TTC28: variants seen among roughly 807,000 people sequenced by gnomAD.
TTC28 encodes tetratricopeptide repeat domain 28.
Under a neutral mutation model 198.0 loss-of-function variants are expected in TTC28, and 61 were observed. The observed-to-expected ratio is 0.31, with a 90% confidence interval of 0.25 to 0.38. TTC28 has a LOEUF of 0.38. Among genes scored for constraint, TTC28 ranks in the 10% least tolerant of loss-of-function variants. The pLI is 1.00. For synonymous variants in TTC28, 1,171 were observed against 1,297.8 expected (o/e 0.90, Z 2.10); for missense variants, 2,678 against 3,164.0 (o/e 0.85, Z 3.69).
At chr22:28,426,223 A>G (rs1210708433) in intron 2 of TTC28, among the ~76,000 whole-genome samples, 2 of 151,746 alleles carry the variant, frequency 1.3e-5, no homozygotes, top group Non-Finnish European at 2.9e-5. Context: ...AAAAAAAAAA[A>G]AAAAAAAAGA....
chr22:28,096,044 C>T (rs954879297), intron 11 of TTC28, 146 bp downstream of exon 11: 1 of 1,265,314 alleles, frequency 7.9e-7, no homozygotes. Flanking sequence ...CCCACCACGG[C>T]ATATCCACTG....
intron 6 of TTC28, among the ~76,000 whole-genome samples, chr22:28,128,030 CCTT>C (rs2146956011): frequency 6.6e-6 from 1 of 152,052 alleles, no homozygotes; most frequent in South Asian, 2.1e-4. Context: ...TACCTAGACA[CCTT>C]CTTCATTTCT....
At chr22:28,437,013 C>T (rs977948195) in intron 2 of TTC28, among the ~76,000 whole-genome samples, 1 of 152,210 alleles carries the variant, frequency 6.6e-6, no homozygotes, top group African/African-American at 2.4e-5. Context: ...ATCCCTTTGA[C>T]CTTTCAGCAA....
At chr22:28,025,671 C>G (rs1181646601) in intron 13 of TTC28, among the ~76,000 whole-genome samples, 1 of 152,168 alleles carries the variant, frequency 6.6e-6, no homozygotes, top group African/African-American at 2.4e-5. Flanking sequence ...TTGAGCCAGC[C>G]TGGGCCACAA....
intron 2 of TTC28, among the ~76,000 whole-genome samples, chr22:28,526,602 G>C (rs772223617): frequency 6.6e-6 from 1 of 152,160 alleles, no homozygotes; most frequent in Non-Finnish European, 1.5e-5. Context: ...TGAGGAGTTA[G>C]AGCATGAAGG....
chr22:28,101,782 TAAAAAAA>T (rs11459818), intron 8 of TTC28, among the ~76,000 whole-genome samples: 10 of 53,128 alleles, frequency 1.9e-4, no homozygotes, highest in African/African-American at 7.8e-4. Flanking sequence ...CCATCTCTGT[TAAAAAAA>T]AAAAAAAAAA....
At chr22:28,629,319 A>T in intron 2 of TTC28, 2 of 481,178 alleles carry the variant, frequency 4.2e-6, no homozygotes, top group East Asian at 3.4e-5. Flanking sequence ...AAAAAAATTT[A>T]AATCTCACAC....
chr22:28,481,334 G>C (rs1001336098), intron 2 of TTC28, among the ~76,000 whole-genome samples: 1 of 152,098 alleles, frequency 6.6e-6, no homozygotes, highest in Non-Finnish European at 1.5e-5. Context: ...CATTTTCAGA[G>C]ATGCCTATAA....
At chr22:28,498,897 T>C (rs2048496488) in intron 2 of TTC28, among the ~76,000 whole-genome samples, 1 of 152,212 alleles carries the variant, frequency 6.6e-6, no homozygotes. Context: ...ATTTATTTAC[T>C]GAGTGCAGTG....
chr22:28,021,369 C>T (rs527546371), intron 13 of TTC28, among the ~76,000 whole-genome samples: 9 of 152,122 alleles, frequency 5.9e-5, no homozygotes, highest in Non-Finnish European at 1.0e-4. Context: ...GTGGGGCCAG[C>T]GCTGTGAGAC....
At chr22:28,338,486 T>G (rs954914731) in intron 2 of TTC28, among the ~76,000 whole-genome samples, 1 of 152,218 alleles carries the variant, frequency 6.6e-6, no homozygotes, top group Non-Finnish European at 1.5e-5. Context: ...CAATCAGACG[T>G]AGATTTGGTC....
chr22:28,461,061 C>T lies in TTC28; in HGVS notation c.382-154418G>A, dbSNP rs376311424. On this transcript the variant is annotated intron_variant, in intron 2 of 22. Coordinates refer to ENST00000397906, the MANE Select transcript of TTC28 (RefSeq NM_001145418.2). The stretch of plus-strand genomic sequence containing the variant: ...CCCACTAGTAGGATCTGTTTATCTA[C>T]GGTCTGCCTCTGAAAAAATATCTGG... Among the ~76,000 whole-genome samples, 25 of 152,342 alleles carry T rather than the reference C, an allele frequency of 1.6e-4. No homozygotes were observed. In the East Asian group the frequency reaches 2.5e-3, roughly 15 times the overall value.
chr22:28,404,646 C>T (rs978778556), intron 2 of TTC28, among the ~76,000 whole-genome samples: 2 of 152,174 alleles, frequency 1.3e-5, no homozygotes, highest in South Asian at 4.1e-4. Flanking sequence ...CCACTCACCC[C>T]TGATTTTCTC....
intron 2 of TTC28, among the ~76,000 whole-genome samples, chr22:28,386,890 T>C (rs959983155): frequency 4.6e-5 from 7 of 152,114 alleles, no homozygotes; most frequent in Non-Finnish European, 7.4e-5. Flanking sequence ...ATGTGCACAA[T>C]GTGCAGGTTT....
At chr22:28,327,108 C>T (rs1485830860) in intron 2 of TTC28, among the ~76,000 whole-genome samples, 2 of 151,974 alleles carry the variant, frequency 1.3e-5, no homozygotes, top group East Asian at 3.9e-4. Flanking sequence ...AGAAGAGTTA[C>T]TCATATGCAT....
chr22:28,294,734 A>AT (rs1350206437), intron 5 of TTC28, among the ~76,000 whole-genome samples: 2 of 151,966 alleles, frequency 1.3e-5, no homozygotes, highest in African/African-American at 4.8e-5. Flanking sequence ...ACACCCAGCT[A>AT]ATTTTTGTAT....
At chr22:28,660,382 G>A (rs1258145377) in intron 1 of TTC28, among the ~76,000 whole-genome samples, 1 of 152,148 alleles carries the variant, frequency 6.6e-6, no homozygotes, top group African/African-American at 2.4e-5. Flanking sequence ...CTGGAATGCA[G>A]TGGCACCATC....
At chr22:28,443,401 T>C (rs1013043638) in intron 2 of TTC28, among the ~76,000 whole-genome samples, 1 of 152,204 alleles carries the variant, frequency 6.6e-6, no homozygotes, top group African/African-American at 2.4e-5. Context: ...TGGGTGTATT[T>C]CTCGTTTGTA....
chr22:28,152,905 G>C (rs193019930), intron 6 of TTC28, among the ~76,000 whole-genome samples: 13 of 152,156 alleles, frequency 8.5e-5, no homozygotes, highest in Non-Finnish European at 1.8e-4. Context: ...CTATATTATA[G>C]AAAAATTTTT....
Sources: allele counts gnomAD v4.1 joint callset (sites outside exome capture counted in the v4.1 genomes callset), GRCh38; gene constraint gnomAD v4.1.1; transcripts MANE v1.5; gene names NCBI Gene and HGNC (gene_info 2026-07-23, HGNC 2026-07-21).